Variants in ADAM18 observed in about 807,000 individuals in gnomAD.
ADAM18 encodes ADAM metallopeptidase domain 18.
Under a neutral mutation model 94.4 loss-of-function variants are expected in ADAM18, and 117 were observed. That is an observed-to-expected ratio of 1.24 (90% CI 1.07 to 1.45). The LOEUF is 1.45. ADAM18 is among the 40% of genes most tolerant of loss of function. The pLI is 0.00. For synonymous variants in ADAM18, 327 were observed against 291.6 expected, an observed-to-expected ratio of 1.12 and a Z score of -1.24; for missense variants, 936 against 880.0, an observed-to-expected ratio of 1.06 and a Z score of -0.81.
At chr8:39,591,002 C>A (rs1818554721) in intron 2 of ADAM18, among the ~76,000 whole-genome samples, 1 of 152,162 alleles carries the variant, frequency 6.6e-6, no homozygotes, top group Admixed American at 6.5e-5. Flanking sequence ...GCATACCAAA[C>A]TTATGTTTGG....
At chr8:39,648,551 G>A (rs368877868) in intron 12 of ADAM18, 24 bp downstream of exon 12, 10 of 1,571,524 alleles carry the variant, frequency 6.4e-6, no homozygotes, top group Non-Finnish European at 7.8e-6. Flanking sequence ...ATTGAAACTC[G>A]AGCACAATTT....
rs543026046 is a variant in ADAM18 at position 39,623,557 on chromosome 8, G to A, written c.523-5817G>A. Among the ~76,000 whole-genome samples the A allele has an allele frequency of 2.0e-4, 31 of 151,628 alleles. No individual in the cohort carries two copies. The South Asian group carries it at 4.8e-3, about 23-fold the overall frequency. On this transcript the variant is annotated intron_variant, in intron 6 of 19. Coordinates refer to ENST00000265707, the MANE Select transcript of ADAM18 (RefSeq NM_014237.3). ...TAATGACCATTCTGGCTGGGATAAA[G>A]TGGTATCTCATTATAATTTTTTGTT... is the stretch of plus-strand genomic sequence containing the variant.
intron 16 of ADAM18, 71 bp from the exon 17 acceptor site, chr8:39,692,529 A>C: frequency 1.1e-6 from 1 of 881,276 alleles, no homozygotes; most frequent in Admixed American, 2.6e-5. Context: ...ACATATATAG[A>C]AATCATTAAT....
At chr8:39,635,336 T>C (rs1177858102) in intron 7 of ADAM18, among the ~76,000 whole-genome samples, 1 of 152,220 alleles carries the variant, frequency 6.6e-6, no homozygotes, top group Non-Finnish European at 1.5e-5. Flanking sequence ...TCTTTTATCT[T>C]TTAAAAATTG....
intron 6 of ADAM18, among the ~76,000 whole-genome samples, chr8:39,617,215 TAC>T (rs1350755424): frequency 2.0e-5 from 3 of 152,126 alleles, no homozygotes; most frequent in Non-Finnish European, 4.4e-5. Context: ...AGAGAAAACA[TAC>T]ATGCAGCCAA....
intron 2 of ADAM18, among the ~76,000 whole-genome samples, chr8:39,591,020 T>C (rs535929039): frequency 6.6e-6 from 1 of 152,350 alleles, no homozygotes; most frequent in African/African-American, 2.4e-5. Flanking sequence ...TGGTATACTA[T>C]ATACTATAGT....
At chr8:39,695,288 T>C (rs1484720165) in intron 17 of ADAM18, among the ~76,000 whole-genome samples, 1 of 151,574 alleles carries the variant, frequency 6.6e-6, no homozygotes, top group Non-Finnish European at 1.5e-5. Flanking sequence ...AGCAGCATGT[T>C]TGTTTAGTTT....
At chr8:39,647,315 G>A (rs1024418813) in intron 11 of ADAM18, among the ~76,000 whole-genome samples, 2 of 151,400 alleles carry the variant, frequency 1.3e-5, no homozygotes, top group African/African-American at 2.4e-5. Context: ...GGATGTGCAC[G>A]TAGGCCAGAT....
At chr8:39,653,409 G>C (rs1356758451) in intron 12 of ADAM18, among the ~76,000 whole-genome samples, 1 of 151,950 alleles carries the variant, frequency 6.6e-6, no homozygotes, top group Non-Finnish European at 1.5e-5. Context: ...CATTATATAA[G>C]TAAACAACAA....
intron 18 of ADAM18, among the ~76,000 whole-genome samples, chr8:39,710,466 G>A (rs576726145): frequency 1.3e-5 from 2 of 152,168 alleles, no homozygotes; most frequent in African/African-American, 4.8e-5. Context: ...GTCAGTACTT[G>A]TATCCAAGAA....
At position 39,611,455 on chromosome 8, in the gene ADAM18, A is replaced by G. The variant is rs1819269864; in HGVS notation, c.522+749A>G. 5 of 985,100 alleles carry G rather than the reference A, an allele frequency of 5.1e-6. No homozygotes were observed. In the South Asian group the frequency reaches 1.4e-4, roughly 28 times the overall value. 61.0% of individuals were successfully genotyped at this position (985,100 alleles called of 1,614,324 possible). ...AAAATCCCATGAAGCTATGAAACCA[A>G]CTATCTGTATGGTTCCTAGAGACTT... On this transcript the variant is annotated intron_variant, in intron 6 of 19. Coordinates refer to ENST00000265707, the MANE Select transcript of ADAM18 (RefSeq NM_014237.3).
chr8:39,596,161 T>A (rs1818736036), intron 2 of ADAM18, among the ~76,000 whole-genome samples: 1 of 152,232 alleles, frequency 6.6e-6, no homozygotes, highest in African/African-American at 2.4e-5. Flanking sequence ...AGATCTCAGA[T>A]GTTTGTTTCA....
chr8:39,699,492 G>T (rs981840900), intron 17 of ADAM18, among the ~76,000 whole-genome samples: 1 of 151,624 alleles, frequency 6.6e-6, no homozygotes, highest in Non-Finnish European at 1.5e-5. Flanking sequence ...CTTAGTTTTG[G>T]TTTATTATTT....
intron 2 of ADAM18, among the ~76,000 whole-genome samples, chr8:39,591,415 G>A (rs1320408428): frequency 1.3e-5 from 2 of 152,118 alleles, no homozygotes; most frequent in African/African-American, 4.8e-5. Flanking sequence ...ATGTAATTTT[G>A]TAAACTCTTT....
In ADAM18 at chr8:39,729,947, A is replaced by G. The variant is rs1300528659; in HGVS notation, c.*7A>G. ...CGATGACGTGGGACATTAATATTGC[A>G]CAGAACTTCCATAGCAAATAACCTA... On this transcript the variant is annotated 3_prime_UTR_variant, in exon 20 of 20. Transcript: ENST00000265707. The G allele has an allele frequency of 6.2e-7, 1 of 1,611,148 alleles. No individual in the cohort carries two copies.
chr8:39,669,106 T>C (rs1821077251), intron 14 of ADAM18, among the ~76,000 whole-genome samples: 1 of 151,990 alleles, frequency 6.6e-6, no homozygotes, highest in Non-Finnish European at 1.5e-5. Context: ...AATAGTATTG[T>C]TATTTTTAAG....
At chr8:39,655,168 A>G (rs1486572039) in intron 12 of ADAM18, among the ~76,000 whole-genome samples, 2 of 152,138 alleles carry the variant, frequency 1.3e-5, no homozygotes, top group African/African-American at 4.8e-5. Flanking sequence ...CAGGTATTAC[A>G]TTTAAGTCTT....
At chr8:39,626,599 G>A (rs762357736) in intron 6 of ADAM18, among the ~76,000 whole-genome samples, 1 of 151,840 alleles carries the variant, frequency 6.6e-6, no homozygotes, top group African/African-American at 2.4e-5. Flanking sequence ...TTGATAATTT[G>A]TATTACTATT....
intron 6 of ADAM18, chr8:39,611,590 G>A (rs544689592): frequency 1.0e-6 from 1 of 985,268 alleles, no homozygotes; most frequent in East Asian, 1.1e-4. Context: ...CTGGTTTCAG[G>A]TAAGAGATAT....
Sources: gnomAD v4.1 joint callset for allele counts (sites outside exome capture counted in the v4.1 genomes callset) on GRCh38, gnomAD v4.1.1 for gene constraint, MANE v1.5 for transcripts, NCBI Gene and HGNC (gene_info 2026-07-23, HGNC 2026-07-21) for gene names.